Variants in FMN1 observed in about 807,000 individuals in gnomAD.
FMN1 encodes formin-1.
FMN1 carries 110 observed loss-of-function variants against 132.4 expected under a neutral mutation model. The ratio of observed to expected loss-of-function variants is 0.83; its 90% CI spans 0.71 to 0.97. The LOEUF (loss-of-function observed/expected upper bound fraction) is 0.97, where lower values mean the gene tolerates loss of function less well. Ranked by LOEUF, FMN1 falls within the 50% of genes least tolerant of loss-of-function variation. The pLI, the probability that FMN1 is intolerant of heterozygous loss-of-function variation, is 0.00. For missense variants in FMN1, 1,792 were observed against 1,705.3 expected (o/e 1.05, Z -0.90); for synonymous variants, 722 against 651.7 (o/e 1.11, Z -1.64).
intron 3 of FMN1, among the ~76,000 whole-genome samples, chr15:33,160,191 A>AT (rs1964832739): frequency 6.6e-6 from 1 of 152,200 alleles, no homozygotes; most frequent in African/African-American, 2.4e-5. Context: ...TTGAAAAAAA[A>AT]TGAAGAGATA....
At chr15:33,004,247 TG>T (rs754406428) in intron 7 of FMN1, among the ~76,000 whole-genome samples, 40 of 151,970 alleles carry the variant, frequency 2.6e-4, no homozygotes, top group Middle Eastern at 3.4e-3. Context: ...ACCATCAGAG[TG>T]AACAGGCAAC....
intron 17 of FMN1, among the ~76,000 whole-genome samples, chr15:32,838,020 G>A (rs2058665758): frequency 6.6e-6 from 1 of 152,138 alleles, no homozygotes; most frequent in African/African-American, 2.4e-5. Flanking sequence ...AAAGGTTTTA[G>A]GAGGCTGAGG....
At chr15:33,038,040 C>T (rs1365764234) in intron 6 of FMN1, among the ~76,000 whole-genome samples, 2 of 152,110 alleles carry the variant, frequency 1.3e-5, no homozygotes, top group Non-Finnish European at 2.9e-5. Flanking sequence ...CTGGCCAACA[C>T]GGTAAAACCC....
chr15:32,970,568 A>C (rs1258572676), intron 7 of FMN1, among the ~76,000 whole-genome samples: 3 of 152,098 alleles, frequency 2.0e-5, no homozygotes, highest in Non-Finnish European at 4.4e-5. Context: ...CCTTATCAAG[A>C]CTCTCTTCAC....
intron 17 of FMN1, among the ~76,000 whole-genome samples, chr15:32,821,186 C>CCT (rs2058207456): frequency 6.6e-6 from 1 of 151,688 alleles, no homozygotes; most frequent in Non-Finnish European, 1.5e-5. Flanking sequence ...ATTGTCTTGT[C>CCT]CTCTCTCAGG....
chr15:33,106,286 AC>A (rs2039482033), intron 4 of FMN1: 2 of 151,702 alleles, frequency 1.3e-5, no homozygotes, highest in Admixed American at 6.6e-5. Context: ...ACACACACAC[AC>A]ACACACACGC....
intron 12 of FMN1, among the ~76,000 whole-genome samples, chr15:32,905,374 A>C (rs997903880): frequency 6.6e-6 from 1 of 152,242 alleles, no homozygotes; most frequent in Non-Finnish European, 1.5e-5. Flanking sequence ...ACACTAACAG[A>C]GTCTACTGTG....
rs1425123693 is a variant in FMN1, at chr15:32,962,734, A to G, written c.3138+1373T>C. Among the ~76,000 whole-genome samples, 18 of 150,684 alleles carry G rather than the reference A, an allele frequency of 1.2e-4. No individual in the cohort carries two copies. In the East Asian group the frequency reaches 3.5e-3, roughly 29 times the overall value. ...AGACATTTATGCAGCCAAAAAACACATGAAAAAATGCTCACCATCACTGGC... is the reference window on the plus strand; with the variant it reads ...AGACATTTATGCAGCCAAAAAACACGTGAAAAAATGCTCACCATCACTGGC... On this transcript the variant is annotated intron_variant, in intron 9 of 20. Transcript: ENST00000616417.
chr15:32,962,809 G>A (rs976699196), intron 9 of FMN1, among the ~76,000 whole-genome samples: 5 of 151,760 alleles, frequency 3.3e-5, no homozygotes, highest in Non-Finnish European at 7.4e-5. Context: ...TCTCAAACCA[G>A]TTAGAATGGC....
chr15:33,186,228 AT>A (rs1305374808), intron 2 of FMN1, among the ~76,000 whole-genome samples: 1 of 151,618 alleles, frequency 6.6e-6, no homozygotes, highest in East Asian at 1.9e-4. Context: ...CCATTCATTT[AT>A]TTTCATTGGT....
intron 7 of FMN1, among the ~76,000 whole-genome samples, chr15:32,986,220 G>T (rs1488478079): frequency 1.3e-5 from 2 of 152,102 alleles, no homozygotes; most frequent in Non-Finnish European, 2.9e-5. Context: ...TGTTTCATGT[G>T]GAATACTTGC....
chr15:33,051,129 G>T (rs2036950006), intron 6 of FMN1, among the ~76,000 whole-genome samples: 1 of 152,156 alleles, frequency 6.6e-6, no homozygotes, highest in Non-Finnish European at 1.5e-5. Flanking sequence ...AGTGAAGGAT[G>T]ATTTTTGCTT....
intron 9 of FMN1, among the ~76,000 whole-genome samples, chr15:32,961,840 G>A (rs919070215): frequency 1.1e-4 from 16 of 152,184 alleles, no homozygotes; most frequent in Non-Finnish European, 1.6e-4. Flanking sequence ...TGTGGCAGAG[G>A]TGTGATTCGT....
intron 9 of FMN1, among the ~76,000 whole-genome samples, chr15:32,932,908 C>T (rs2061156963): frequency 6.6e-6 from 1 of 151,704 alleles, no homozygotes; most frequent in African/African-American, 2.4e-5. Flanking sequence ...ATGATTTGTC[C>T]ATTTTGTTTA....
At chr15:33,040,228 C>T (rs2036367772) in intron 6 of FMN1, among the ~76,000 whole-genome samples, 1 of 152,246 alleles carries the variant, frequency 6.6e-6, no homozygotes. Flanking sequence ...CTCCCCAAGT[C>T]AGCTCCGGAA....
chr15:32,986,651 G>A (rs1178438298), intron 7 of FMN1, among the ~76,000 whole-genome samples: 2 of 152,070 alleles, frequency 1.3e-5, no homozygotes, highest in East Asian at 1.9e-4. Flanking sequence ...ATTACTAGAT[G>A]TTTAATGATA....
intron 7 of FMN1, among the ~76,000 whole-genome samples, chr15:32,971,752 G>C (rs1355766984): frequency 1.3e-5 from 2 of 152,102 alleles, no homozygotes; most frequent in Admixed American, 6.6e-5. Flanking sequence ...CATACTGCAT[G>C]GTGAAACTTT....
chr15:32,931,492 G>A (rs1450665099), intron 9 of FMN1, among the ~76,000 whole-genome samples: 1 of 152,072 alleles, frequency 6.6e-6, no homozygotes, highest in Non-Finnish European at 1.5e-5. Context: ...TTCCCTTCCA[G>A]GTAGTTAATA....
Position 33,032,979 on chromosome 15 carries a change from G to A in FMN1, c.2162-24904C>T, listed in dbSNP as rs552641900. ...GCTTAGAGAAGTGCCTGGCATATAGGCATGCAGTATTACATATGGCTAGCT... is the reference window on the plus strand; with the variant it reads ...GCTTAGAGAAGTGCCTGGCATATAGACATGCAGTATTACATATGGCTAGCT... On this transcript the variant is annotated intron_variant, in intron 6 of 20. Coordinates refer to ENST00000616417, the MANE Select transcript of FMN1 (RefSeq NM_001277313.2). 4.6e-5 allele frequency among the ~76,000 whole-genome samples: 7 copies of A among 152,208 alleles called. 1 individual carries two copies. The South Asian group carries it at 1.5e-3, about 32-fold the overall frequency.
Sources: allele counts gnomAD v4.1 joint callset (sites outside exome capture counted in the v4.1 genomes callset), GRCh38; gene constraint gnomAD v4.1.1; transcripts MANE v1.5; gene names NCBI Gene and HGNC (gene_info 2026-07-23, HGNC 2026-07-21).